TRIM2: variants seen among roughly 807,000 people sequenced by gnomAD.
The protein encoded by TRIM2 is tripartite motif containing 2, also known as tripartite motif-containing protein 2.
A neutral mutation model predicts 75.2 loss-of-function variants in TRIM2; 20 were observed. The observed-to-expected ratio is 0.27, with a 90% confidence interval of 0.19 to 0.39. The LOEUF is 0.39. Among genes scored for constraint, TRIM2 ranks in the 10% least tolerant of loss-of-function variants. The pLI is 1.00. For missense variants in TRIM2, 660 were observed against 990.8 expected (o/e 0.67, Z 4.48); for synonymous variants, 373 against 388.3 (o/e 0.96, Z 0.46).
At position 153,335,581 on chromosome 4, in the gene TRIM2, T is replaced by G. The variant is rs1265669447; in HGVS notation, c.*615T>G. On this transcript the variant is annotated 3_prime_UTR_variant, in exon 12 of 12. Coordinates refer to ENST00000338700, the MANE Select transcript of TRIM2 (RefSeq NM_015271.5). ...AGTATCAGTGCAAATTTCTCAACCT[T>G]TCTGGGTTAGACAAAGATCCTTTTT... 1.2e-5 allele frequency: 12 copies of G among 985,306 alleles called. No homozygotes were observed. The highest frequency in any genetic ancestry group is 1.4e-5 in the Non-Finnish European group (12 of 829,928). The allele number at this position is 985,306 out of a possible 1,614,324, so 61.0% of individuals were successfully genotyped here. A position where few individuals can be genotyped will look rare whatever the true frequency, so the allele number is the denominator to read the frequency against.
At chr4:153,184,970 G>A (rs1318135647) in intron 1 of TRIM2, among the ~76,000 whole-genome samples, 1 of 152,136 alleles carries the variant, frequency 6.6e-6, no homozygotes, top group Non-Finnish European at 1.5e-5. Context: ...CGTTTTCCCT[G>A]TGGGGAATGC....
Position 153,293,398 on chromosome 4 carries a change from T to G in TRIM2, c.605+265T>G, listed in dbSNP as rs1762200164. Among the ~76,000 whole-genome samples, 5 of 152,192 alleles carry G rather than the reference T, an allele frequency of 3.3e-5. No individual in the cohort carries two copies. In the South Asian group the frequency reaches 1.0e-3, roughly 31 times the overall value. On this transcript the variant is annotated intron_variant, in intron 4 of 11. Transcript: ENST00000338700. The stretch of plus-strand genomic sequence containing the variant: ...TATGATTACATGAATTAAAGTACAC[T>G]CAAATAAACTGCTCTCAGGAGAGTT...
At chr4:153,215,497 A>G (rs1738224116) in intron 1 of TRIM2, among the ~76,000 whole-genome samples, 1 of 151,148 alleles carries the variant, frequency 6.6e-6, no homozygotes, top group South Asian at 2.1e-4. Flanking sequence ...TCATATTTCT[A>G]TAAAAAAAAA....
At chr4:153,273,427 C>T (rs1369641232) in intron 2 of TRIM2, among the ~76,000 whole-genome samples, 4 of 149,380 alleles carry the variant, frequency 2.7e-5, no homozygotes, top group Non-Finnish European at 5.9e-5. Flanking sequence ...AGGCGCCCGC[C>T]ACCACGCCCG....
chr4:153,323,637 A>G (rs1206651243), intron 9 of TRIM2, among the ~76,000 whole-genome samples: 1 of 152,128 alleles, frequency 6.6e-6, no homozygotes, highest in Admixed American at 6.5e-5. Flanking sequence ...ATGTGCCACC[A>G]TGTCCAGCTA....
At chr4:153,207,285 G>A (rs139698251) in intron 1 of TRIM2, among the ~76,000 whole-genome samples, 14 of 152,268 alleles carry the variant, frequency 9.2e-5, no homozygotes, top group Admixed American at 2.6e-4. Context: ...TATGCGGTGC[G>A]GTGGCCGATG....
intron 10 of TRIM2, 78 bp downstream of exon 10, chr4:153,324,226 A>G (rs114234157): frequency 1.6e-4 from 203 of 1,250,404 alleles, no homozygotes; most frequent in Non-Finnish European, 2.3e-4. Flanking sequence ...ATAATGCAAT[A>G]CTTACATATG....
rs1764271193 is a variant in TRIM2, at chr4:153,303,180, T to C, written c.1510+7144T>C. ...ATGTTATCATTAAAAGATTCAACTT[T>C]TGGCTGGACGCCGTGGCTTATGCCT... On this transcript the variant is annotated intron_variant, in intron 6 of 11. Coordinates refer to ENST00000338700, the MANE Select transcript of TRIM2 (RefSeq NM_015271.5). 2.0e-5 allele frequency among the ~76,000 whole-genome samples: 3 copies of C among 152,112 alleles called. No individual in the cohort carries two copies. The South Asian group carries it at 6.2e-4, about 32-fold the overall frequency.
rs373264137 is a variant in TRIM2 at position 153,160,126 on chromosome 4, C to A, written c.-49+6856C>A. ...TGAGTCAGTTACAATCTTTACACTG[C>A]AGTTTTGAACCATCTTTTTATGACC... On this transcript the variant is annotated intron_variant, in intron 1 of 11. Transcript: ENST00000437508. 2.0e-3 allele frequency among the ~76,000 whole-genome samples: 308 copies of A among 152,308 alleles called. 5 individuals are homozygous for A. Among genetic ancestry groups the A allele is most frequent in the African/African-American group, 6.9e-3 (286 of 41,574 alleles).
intron 6 of TRIM2, among the ~76,000 whole-genome samples, chr4:153,311,918 A>G (rs1411318087): frequency 6.9e-6 from 1 of 144,714 alleles, no homozygotes; most frequent in Non-Finnish European, 1.5e-5. Flanking sequence ...TTATTTATTT[A>G]TTTATTATTA....
At chr4:153,326,782 A>G (rs1579762919) in intron 10 of TRIM2, among the ~76,000 whole-genome samples, 1 of 152,150 alleles carries the variant, frequency 6.6e-6, no homozygotes, top group African/African-American at 2.4e-5. Context: ...GGAGTTCGAG[A>G]CCCGCCTAGC....
upstream of TRIM2, chr4:153,152,617 G>A (rs1335570238): frequency 6.6e-6 from 1 of 151,944 alleles, no homozygotes; most frequent in Non-Finnish European, 1.5e-5. Flanking sequence ...CAGACAGTAA[G>A]GTTCTGTTGG....
chr4:153,206,587 G>A (rs185608394), intron 1 of TRIM2, among the ~76,000 whole-genome samples: 6 of 152,120 alleles, frequency 3.9e-5, no homozygotes, highest in East Asian at 3.9e-4. Flanking sequence ...CTCCAGACCC[G>A]CTCCTTTGGG....
upstream of TRIM2, among the ~76,000 whole-genome samples, chr4:153,202,151 T>A (rs1371261432): frequency 6.6e-6 from 1 of 152,246 alleles, no homozygotes; most frequent in Admixed American, 6.5e-5. Flanking sequence ...TGGGGATTAT[T>A]ATTTTTATAA....
chr4:153,171,803 C>T (rs1244701810), intron 1 of TRIM2, among the ~76,000 whole-genome samples: 1 of 150,880 alleles, frequency 6.6e-6, no homozygotes, highest in Non-Finnish European at 1.5e-5. Context: ...TTGTCCCTCC[C>T]CGCATCCCAG....
chr4:153,253,013 A>C (rs1751235779), intron 1 of TRIM2, among the ~76,000 whole-genome samples: 1 of 152,218 alleles, frequency 6.6e-6, no homozygotes, highest in African/African-American at 2.4e-5. Flanking sequence ...AGTGAATTAA[A>C]GGTAAAAGAT....
At chr4:153,266,320 C>G (rs1279944675) in intron 1 of TRIM2, among the ~76,000 whole-genome samples, 10 of 150,968 alleles carry the variant, frequency 6.6e-5, no homozygotes, top group Admixed American at 6.6e-4. Context: ...TGTATGTGTG[C>G]CACCATGCCT....
rs190334844 is a variant in TRIM2 at position 153,334,225 on chromosome 4, A to G, written c.2164-589A>G. Among the ~76,000 whole-genome samples the G allele has an allele frequency of 2.0e-4, 31 of 152,260 alleles. 2 individuals are homozygous for G. The highest frequency in any genetic ancestry group is 1.3e-3 in the East Asian group (7 of 5,186). ...CACTATAGGAATACAAGTGAAAGCTAGCAGCCAATGGCATATTCTTCTCCA... is the reference window on the plus strand; with the variant it reads ...CACTATAGGAATACAAGTGAAAGCTGGCAGCCAATGGCATATTCTTCTCCA... On this transcript the variant is annotated intron_variant, in intron 11 of 11. Transcript: ENST00000338700.
intron 1 of TRIM2, among the ~76,000 whole-genome samples, chr4:153,263,588 C>T (rs1754132120): frequency 6.6e-6 from 1 of 152,182 alleles, no homozygotes; most frequent in African/African-American, 2.4e-5. Context: ...AAATCTGTGC[C>T]CTTGTAGGCC....
Sources: gnomAD v4.1 joint callset for allele counts (sites outside exome capture counted in the v4.1 genomes callset) on GRCh38, gnomAD v4.1.1 for gene constraint, MANE v1.5 for transcripts, NCBI Gene and HGNC (gene_info 2026-07-23, HGNC 2026-07-21) for gene names.